The following WWOX variants were observed in gnomAD, a reference collection of about 807,000 sequenced individuals.
WWOX encodes the protein WW domain-containing oxidoreductase.
WWOX carries 69 observed loss-of-function variants against 46.2 expected under a neutral mutation model. The ratio of observed to expected loss-of-function variants is 1.49; its 90% CI spans 1.23 to 1.82. The LOEUF (loss-of-function observed/expected upper bound fraction) is 1.82. WWOX is among the 40% of genes most tolerant of loss of function. WWOX has a pLI of 0.00. For synonymous variants in WWOX, 359 were observed against 202.6 expected, an observed-to-expected ratio of 1.77 and a Z score of -6.56; for missense variants, 919 against 542.6, an observed-to-expected ratio of 1.69 and a Z score of -6.89.
At chr16:78,677,190 C>T (rs1037720144) in intron 8 of WWOX, among the ~76,000 whole-genome samples, 28 of 152,108 alleles carry the variant, frequency 1.8e-4, no homozygotes, top group African/African-American at 6.8e-4. Flanking sequence ...ATGAGGGGGT[C>T]CCAGGCAATC....
intron 8 of WWOX, among the ~76,000 whole-genome samples, chr16:78,483,187 A>G (rs890758951): frequency 1.3e-5 from 2 of 152,152 alleles, no homozygotes; most frequent in African/African-American, 2.4e-5. Context: ...CAAATGTAAA[A>G]GATACTTTTA....
intron 8 of WWOX, chr16:79,078,090 A>G (rs1262304938): frequency 6.6e-6 from 1 of 152,120 alleles, no homozygotes; most frequent in African/African-American, 2.4e-5. Context: ...TTTTTTTAGA[A>G]CTGGAAGTTT....
intron 5 of WWOX, among the ~76,000 whole-genome samples, chr16:78,351,893 G>C (rs944526133): frequency 6.6e-6 from 1 of 152,154 alleles, no homozygotes; most frequent in African/African-American, 2.4e-5. Context: ...GTGACCTTAG[G>C]TGATATGCGC....
intron 8 of WWOX, among the ~76,000 whole-genome samples, chr16:78,459,580 T>A (rs2083903464): frequency 6.6e-6 from 1 of 152,194 alleles, no homozygotes; most frequent in Non-Finnish European, 1.5e-5. Flanking sequence ...TTGTAAGCGA[T>A]CAGGCATCAA....
At chr16:79,156,069 T>G (rs2150740824) in intron 8 of WWOX, among the ~76,000 whole-genome samples, 1 of 152,306 alleles carries the variant, frequency 6.6e-6, no homozygotes, top group South Asian at 2.1e-4. Flanking sequence ...CCACCACCTC[T>G]TCAACGACTG....
chr16:78,192,985 T>G (rs545526658), intron 5 of WWOX, among the ~76,000 whole-genome samples: 1 of 152,230 alleles, frequency 6.6e-6, no homozygotes, highest in African/African-American at 2.4e-5. Context: ...TCATAACACA[T>G]GTGGCTGAGG....
At chr16:79,050,497 G>A (rs1487603469) in intron 8 of WWOX, among the ~76,000 whole-genome samples, 1 of 152,200 alleles carries the variant, frequency 6.6e-6, no homozygotes, top group Admixed American at 6.5e-5. Flanking sequence ...GTCACACACT[G>A]ATGCCCCAAA....
At chr16:78,905,878 A>T (rs2044950454) in intron 8 of WWOX, among the ~76,000 whole-genome samples, 1 of 152,188 alleles carries the variant, frequency 6.6e-6, no homozygotes, top group Non-Finnish European at 1.5e-5. Context: ...AACGTGGCCC[A>T]AAGTCATTAG....
chr16:78,772,294 T>C (rs2050083000), intron 8 of WWOX, among the ~76,000 whole-genome samples: 1 of 152,220 alleles, frequency 6.6e-6, no homozygotes, highest in South Asian at 2.1e-4. Context: ...CATGCAGTAT[T>C]TGATTTTCTC....
At chr16:78,755,903 T>A (rs947988917) in intron 8 of WWOX, among the ~76,000 whole-genome samples, 2 of 152,152 alleles carry the variant, frequency 1.3e-5, no homozygotes, top group East Asian at 3.9e-4. Context: ...CTTCATAGGA[T>A]TTTTGTCAGG....
At chr16:79,114,039 G>A (rs1488552108) in intron 8 of WWOX, among the ~76,000 whole-genome samples, 1 of 152,124 alleles carries the variant, frequency 6.6e-6, no homozygotes, top group Non-Finnish European at 1.5e-5. Flanking sequence ...CCCAGGTGCT[G>A]GCCTAAGGCC....
intron 8 of WWOX, among the ~76,000 whole-genome samples, chr16:79,173,171 A>G (rs908511317): frequency 4.6e-5 from 7 of 152,208 alleles, no homozygotes; most frequent in Non-Finnish European, 7.3e-5. Context: ...CTGTGTCCAT[A>G]GGCATCTACG....
At chr16:79,115,557 C>G (rs1052866620) in intron 8 of WWOX, among the ~76,000 whole-genome samples, 1 of 152,168 alleles carries the variant, frequency 6.6e-6, no homozygotes, top group Non-Finnish European at 1.5e-5. Flanking sequence ...TATCTCTAAA[C>G]TCAAAACAAG....
intron 4 of WWOX, among the ~76,000 whole-genome samples, chr16:78,155,623 TC>T (rs1311917520): frequency 2.6e-5 from 4 of 152,226 alleles, no homozygotes; most frequent in Non-Finnish European, 5.9e-5. Flanking sequence ...TACATATTCT[TC>T]CGAACACACT....
chr16:79,076,452 C>A (rs949125010), intron 8 of WWOX, among the ~76,000 whole-genome samples: 4 of 152,174 alleles, frequency 2.6e-5, no homozygotes, highest in Non-Finnish European at 5.9e-5. Context: ...AAGGTAGTAT[C>A]TTTTTCACAG....
intron 8 of WWOX, among the ~76,000 whole-genome samples, chr16:79,031,210 G>C (rs151213825): frequency 6.6e-6 from 1 of 152,274 alleles, no homozygotes; most frequent in East Asian, 1.9e-4. Context: ...GGTGTTTAGG[G>C]ATTAGATGAG....
At chr16:78,680,116 A>AT (rs1319029060) in intron 8 of WWOX, among the ~76,000 whole-genome samples, 1 of 152,244 alleles carries the variant, frequency 6.6e-6, no homozygotes, top group Non-Finnish European at 1.5e-5. Context: ...TTTAAATAAG[A>AT]AAAGGTATCT....
intron 8 of WWOX, among the ~76,000 whole-genome samples, chr16:78,859,144 A>C (rs993831360): frequency 3.4e-5 from 5 of 149,002 alleles, no homozygotes; most frequent in Non-Finnish European, 7.4e-5. Flanking sequence ...TTCTCGGGGT[A>C]ATCTGAGACA....
At chr16:78,243,867 G>A (rs2037735368) in intron 5 of WWOX, among the ~76,000 whole-genome samples, 1 of 152,178 alleles carries the variant, frequency 6.6e-6, no homozygotes, top group Admixed American at 6.5e-5. Flanking sequence ...TTCTTTATGT[G>A]CATGTGTACT....
Sources: allele counts gnomAD v4.1 joint callset (sites outside exome capture counted in the v4.1 genomes callset), GRCh38; gene constraint gnomAD v4.1.1; transcripts MANE v1.5; gene names NCBI Gene and HGNC (gene_info 2026-07-23, HGNC 2026-07-21).